The following CBLB variants were observed in gnomAD, a reference collection of about 807,000 sequenced individuals.
CBLB encodes the protein E3 ubiquitin-protein ligase CBL-B.
A neutral mutation model predicts 104.9 loss-of-function variants in CBLB; 31 were observed. The ratio of observed to expected loss-of-function variants is 0.30; its 90% CI spans 0.22 to 0.40. The LOEUF is 0.40. Ranked by LOEUF, CBLB falls within the 10% of genes least tolerant of loss-of-function variation. The pLI is 1.00. For missense variants in CBLB, 1,062 were observed against 1,214.6 expected, an observed-to-expected ratio of 0.87 and a Z score of 1.87; for synonymous variants, 440 against 422.6, an observed-to-expected ratio of 1.04 and a Z score of -0.51.
At chr3:105,769,833 G>A (rs1339126947) in intron 4 of CBLB, among the ~76,000 whole-genome samples, 2 of 152,184 alleles carry the variant, frequency 1.3e-5, no homozygotes, top group Non-Finnish European at 2.9e-5. Flanking sequence ...AGACTGGAAT[G>A]ATTAGCTCTG....
chr3:105,760,812 C>T (rs912911730), intron 4 of CBLB, among the ~76,000 whole-genome samples: 5 of 151,982 alleles, frequency 3.3e-5, no homozygotes, highest in African/African-American at 1.2e-4. Context: ...TAATTAAATC[C>T]ATCAAAAAGT....
At chr3:105,663,740 G>A (rs2152678658) in intron 18 of CBLB, among the ~76,000 whole-genome samples, 1 of 152,162 alleles carries the variant, frequency 6.6e-6, no homozygotes, top group Middle Eastern at 3.4e-3. Flanking sequence ...CTAGACGGGG[G>A]CAATCATTGG....
At chr3:105,827,223 C>T (rs374466904) in intron 3 of CBLB, among the ~76,000 whole-genome samples, 15 of 38,988 alleles carry the variant, frequency 3.8e-4, no homozygotes, top group East Asian at 2.6e-3. Flanking sequence ...AGCTATATTC[C>T]ATCCCCAGAG....
chr3:105,661,084 T>C (rs1376215295), intron 18 of CBLB, among the ~76,000 whole-genome samples: 1 of 152,046 alleles, frequency 6.6e-6, no homozygotes, highest in African/African-American at 2.4e-5. Flanking sequence ...ATTACAGGCG[T>C]GAGCCACCAC....
chr3:105,715,240 C>G lies in CBLB; in HGVS notation c.1407+4807G>C, dbSNP rs2071686905. 2.6e-5 allele frequency among the ~76,000 whole-genome samples: 4 copies of G among 152,282 alleles called. 1 individual carries two copies. The highest frequency in any genetic ancestry group is 2.6e-4 in the Admixed American group (4 of 15,290). On this transcript the variant is annotated intron_variant, in intron 10 of 18. Transcript: ENST00000394030. ...CTTTGTCTGAGGGCTCACATCAGATCTAATTATCCCAGGATTCTGACAGCT... is the reference window on the plus strand; with the variant it reads ...CTTTGTCTGAGGGCTCACATCAGATGTAATTATCCCAGGATTCTGACAGCT...
At chr3:105,714,984 G>A (rs2071644706) in intron 10 of CBLB, among the ~76,000 whole-genome samples, 1 of 152,076 alleles carries the variant, frequency 6.6e-6, no homozygotes, top group African/African-American at 2.4e-5. Context: ...ACTAATCTGG[G>A]CTCATTCACT....
intron 2 of CBLB, among the ~76,000 whole-genome samples, chr3:105,859,180 C>T (rs1431560467): frequency 6.6e-6 from 1 of 152,088 alleles, no homozygotes; most frequent in Admixed American, 6.6e-5. Context: ...AGGTTCAAAC[C>T]AGCCTGTGAA....
chr3:105,799,174 G>GAATA (rs1471114207), intron 3 of CBLB, among the ~76,000 whole-genome samples: 19 of 35,140 alleles, frequency 5.4e-4, no homozygotes, highest in African/African-American at 2.3e-3. Flanking sequence ...TAATGACAAA[G>GAATA]AACAAAAAAA....
chr3:105,773,134 C>T (rs575269772), intron 4 of CBLB, among the ~76,000 whole-genome samples: 260 of 152,256 alleles, frequency 1.7e-3, no homozygotes, highest in Middle Eastern at 6.8e-3. Flanking sequence ...ATGGAACCAA[C>T]CTAAGTGCAC....
At chr3:105,678,004 T>A (rs1337395228) in intron 17 of CBLB, among the ~76,000 whole-genome samples, 1 of 152,178 alleles carries the variant, frequency 6.6e-6, no homozygotes, top group African/African-American at 2.4e-5. Context: ...CAAAATCTTA[T>A]GTTTTGAACA....
At chr3:105,740,429 A>G in intron 7 of CBLB, 65 bp downstream of exon 7, 1 of 1,570,414 alleles carries the variant, frequency 6.4e-7, no homozygotes, top group Non-Finnish European at 8.8e-7. Flanking sequence ...TCGCCATCAC[A>G]AAGCAATCTT....
At chr3:105,780,659 T>TTTTTTTTTG (rs2080104598) in intron 3 of CBLB, among the ~76,000 whole-genome samples, 2 of 102,426 alleles carry the variant, frequency 2.0e-5, no homozygotes, top group Non-Finnish European at 3.9e-5. Context: ...TTTTGTTTTT[T>TTTTTTTTTG]GTTTTTTTTT....
At chr3:105,750,021 G>A (rs1348813080) in intron 5 of CBLB, among the ~76,000 whole-genome samples, 1 of 139,006 alleles carries the variant, frequency 7.2e-6, no homozygotes, top group Non-Finnish European at 1.6e-5. Context: ...TATCCTATAT[G>A]TATTTTTTTT....
chr3:105,853,673 A>G lies in CBLB; in HGVS notation c.169-9T>C. ...TTTTGGCACAGTCTTACCTAAAAAC[A>G]AAGATAAAAATAAAATAAGTCATAA... On this transcript the variant is annotated splice_polypyrimidine_tract_variant and intron_variant, in intron 2 of 18. Transcript: ENST00000394030. 4 of 1,572,388 alleles carry G rather than the reference A, an allele frequency of 2.5e-6. No homozygotes were observed. Among genetic ancestry groups the G allele is most frequent in the Non-Finnish European group, 3.5e-6 (4 of 1,151,104 alleles).
At chr3:105,788,781 G>A (rs2081311390) in intron 3 of CBLB, among the ~76,000 whole-genome samples, 1 of 152,204 alleles carries the variant, frequency 6.6e-6, no homozygotes, top group Admixed American at 6.5e-5. Context: ...AGTAGCCTGT[G>A]ACTTGCTTTA....
intron 3 of CBLB, among the ~76,000 whole-genome samples, chr3:105,814,966 TAC>T (rs1394749679): frequency 3.0e-5 from 4 of 132,880 alleles, no homozygotes; most frequent in Non-Finnish European, 4.6e-5. Flanking sequence ...TCTCACACAG[TAC>T]AGTCTCTCCA....
At chr3:105,720,644 T>C (rs1221546933) in intron 9 of CBLB, among the ~76,000 whole-genome samples, 1 of 152,198 alleles carries the variant, frequency 6.6e-6, no homozygotes, top group Non-Finnish European at 1.5e-5. Context: ...AAAAAGTATA[T>C]TTTGGTAAAA....
rs746615675 is a variant in CBLB at position 105,678,533 on chromosome 3, G to C, written c.2467C>G (p.Pro823Ala). Residue 823 changes from proline to alanine, a missense_variant, in exon 17 of 19, where the codon CCT (proline) becomes GCT (alanine). By Grantham distance (27) the Pro-to-Ala change is conservative. Coordinates refer to ENST00000394030, the MANE Select transcript of CBLB (RefSeq NM_170662.5). ...CTATGCCTTGCAGGAGGTGGGGGAG[G>C]TGGGAGAGATGGAGGGAGGGCATCA... ...AFDALPPSLP[P>A]PPPPARHSLI... 1 of 1,613,948 alleles carries C rather than the reference G, an allele frequency of 6.2e-7. No individual in the cohort carries two copies. The highest frequency in any genetic ancestry group is 2.2e-5 in the East Asian group (1 of 44,858).
At chr3:105,779,688 AAAAGAG>A (rs1191764073) in intron 3 of CBLB, among the ~76,000 whole-genome samples, 2 of 152,084 alleles carry the variant, frequency 1.3e-5, no homozygotes, top group East Asian at 3.8e-4. Flanking sequence ...AAGGAAAAAA[AAAAGAG>A]AAAGAGAACT....
Sources: gnomAD v4.1 joint callset for allele counts (sites outside exome capture counted in the v4.1 genomes callset) on GRCh38, gnomAD v4.1.1 for gene constraint, MANE v1.5 for transcripts, NCBI Gene and HGNC (gene_info 2026-07-23, HGNC 2026-07-21) for gene names.